MIGA2: variants seen among roughly 807,000 people sequenced by gnomAD.
The protein encoded by MIGA2 is family with sequence similarity 73, member B.
In MIGA2, 36 loss-of-function variants were observed where a neutral mutation model predicts 69.9. The ratio of observed to expected loss-of-function variants is 0.52; its 90% confidence interval spans 0.39 to 0.68. MIGA2 has a LOEUF of 0.68. MIGA2 is among the 30% of genes least tolerant of loss of function. MIGA2 has a pLI of 0.00. For missense variants in MIGA2, 660 were observed against 787.7 expected, an observed-to-expected ratio of 0.84 and a Z score of 1.94; for synonymous variants, 333 against 349.2, an observed-to-expected ratio of 0.95 and a Z score of 0.52.
In MIGA2 at chr9:129,068,656, GA is replaced by G. The variant is rs961236099; in HGVS notation, c.1404+331del. 1.0e-4 allele frequency: 43 copies of G among 413,058 alleles called. No individual in the cohort carries two copies. The highest frequency in any genetic ancestry group is 3.6e-4 in the Middle Eastern group (1 of 2,746). 25.6% of individuals were successfully genotyped at this position (413,058 alleles called of 1,614,324 possible). A position where few individuals can be genotyped will look rare whatever the true frequency, so the allele number is the denominator to read the frequency against. ...AAAGAGGGGAAAGCAAAACCAAAAGGAAAAAAAGGCACAGAGTGAGAGACAA... is the reference window on the plus strand; with the variant it reads ...AAAGAGGGGAAAGCAAAACCAAAAGGAAAAAAGGCACAGAGTGAGAGACAA... On this transcript the variant is annotated intron_variant, in intron 13 of 15. Transcript: ENST00000684074. The surrounding 1 kb of genome is among the most constrained non-coding windows in gnomAD (Gnocchi z 4.1).
chr9:129,061,490 G>A lies in MIGA2; in HGVS notation c.1010+144G>A, dbSNP rs1052054381. 10 of 685,052 alleles carry A rather than the reference G, an allele frequency of 1.5e-5. No homozygotes were observed. Among genetic ancestry groups the A allele is most frequent in the African/African-American group, 1.8e-5 (1 of 56,194 alleles). The allele number at this position is 685,052 out of a possible 1,614,324, so 42.4% of individuals were successfully genotyped here. A position where few individuals can be genotyped will look rare whatever the true frequency, so the allele number is the denominator to read the frequency against. ...TGCCTGAGGGCCGTGGTGAGCTGGT[G>A]ACAGCTCCTCCCCCAGCTGCAGAGG... On this transcript the variant is annotated intron_variant, in intron 9 of 15. Coordinates refer to ENST00000684074, the MANE Select transcript of MIGA2 (RefSeq NM_001329990.2). The surrounding 1 kb of genome is among the most constrained non-coding windows in gnomAD (Gnocchi z 5.0).
At chr9:129,047,720 A>C in intron 3 of MIGA2, among the ~76,000 whole-genome samples, 1 of 151,050 alleles carries the variant, frequency 6.6e-6, no homozygotes, top group South Asian at 2.1e-4. Context: ...TCCTAAAAAA[A>C]TTTATATATA....
intron 3 of MIGA2, among the ~76,000 whole-genome samples, chr9:129,042,773 C>T (rs1427063603): frequency 6.6e-6 from 1 of 152,058 alleles, no homozygotes. Flanking sequence ...TTTGGGAGCA[C>T]CTTGGTCAGA....
At position 129,059,093 on chromosome 9, in the gene MIGA2, A is replaced by G; in HGVS notation, c.676-61A>G. Reference sequence around the variant, plus strand: ...TCCCCAGGGACCTGGGGGTGAGGGAAGGGGCCATTTTCATCGGGAGCTTTG... The same window carrying G: ...TCCCCAGGGACCTGGGGGTGAGGGAGGGGGCCATTTTCATCGGGAGCTTTG... On this transcript the variant is annotated intron_variant, in intron 6 of 15. Coordinates refer to ENST00000684074, the MANE Select transcript of MIGA2 (RefSeq NM_001329990.2). The surrounding 1 kb of genome is among the most constrained non-coding windows in gnomAD (Gnocchi z 5.6). The G allele has an allele frequency of 2.0e-6, 3 of 1,466,144 alleles. No individual in the cohort carries two copies. Among genetic ancestry groups the G allele is most frequent in the South Asian group, 1.1e-5 (1 of 87,436 alleles). 90.8% of individuals were successfully genotyped at this position (1,466,144 alleles called of 1,614,324 possible).
intron 11 of MIGA2, 145 bp from the exon 12 acceptor site, chr9:129,067,627 AG>A: frequency 1.5e-6 from 1 of 685,134 alleles, no homozygotes; most frequent in Non-Finnish European, 2.5e-6. Flanking sequence ...TGTGCTGAGT[AG>A]GAGACACTTC....
chr9:129,064,459 G>T (rs918184504), intron 11 of MIGA2, among the ~76,000 whole-genome samples: 1 of 151,204 alleles, frequency 6.6e-6, no homozygotes, highest in African/African-American at 2.4e-5. Flanking sequence ...CGCCCGCCTC[G>T]GCCTCCCAAA....
At chr9:129,056,129 GAAAAAAAA>G (rs76491749) in intron 6 of MIGA2, among the ~76,000 whole-genome samples, 2 of 77,364 alleles carry the variant, frequency 2.6e-5, no homozygotes, top group African/African-American at 7.3e-5. Context: ...CCTGTCTCAA[GAAAAAAAA>G]AAAAAAAAAA....
chr9:129,053,525 G>C (rs375311984), intron 6 of MIGA2, among the ~76,000 whole-genome samples: 1 of 151,884 alleles, frequency 6.6e-6, no homozygotes, highest in Non-Finnish European at 1.5e-5. Flanking sequence ...CACCACGCCC[G>C]GCTAATTTTT....
At position 129,058,733 on chromosome 9, in the gene MIGA2, T is replaced by G. The variant is rs111405551; in HGVS notation, c.676-421T>G. Among the ~76,000 whole-genome samples the G allele has an allele frequency of 4.3e-3, 658 of 152,168 alleles. 10 individuals carry two copies. Among genetic ancestry groups the G allele is most frequent in the African/African-American group, 0.015 (606 of 41,530 alleles). On this transcript the variant is annotated intron_variant, in intron 6 of 15. Coordinates refer to ENST00000684074, the MANE Select transcript of MIGA2 (RefSeq NM_001329990.2). ...CAGGCTGGTCTCGAACTCCTGACCTTGTGATCTGCCCACCTCGGCCACCCA... is the reference window on the plus strand; with the variant it reads ...CAGGCTGGTCTCGAACTCCTGACCTGGTGATCTGCCCACCTCGGCCACCCA...
At chr9:129,050,447 G>T (rs943391452) in intron 6 of MIGA2, among the ~76,000 whole-genome samples, 3 of 151,216 alleles carry the variant, frequency 2.0e-5, no homozygotes, top group African/African-American at 7.3e-5. Context: ...GGTAATTTTT[G>T]TATTTTTAGT....
Position 129,041,184 on chromosome 9 carries a change from A to G in MIGA2, c.96+494A>G, listed in dbSNP as rs140996588. On this transcript the variant is annotated intron_variant, in intron 2 of 15. Coordinates refer to ENST00000684074, the MANE Select transcript of MIGA2 (RefSeq NM_001329990.2). ...ACGCTATCTCTACCAAAAGTACAAAAATTAGCCAAGCATGGTGGTGTGCAC... is the reference window on the plus strand; with the variant it reads ...ACGCTATCTCTACCAAAAGTACAAAGATTAGCCAAGCATGGTGGTGTGCAC... 6.6e-3 allele frequency among the ~76,000 whole-genome samples: 1,001 copies of G among 152,288 alleles called. 7 individuals carry two copies. Among genetic ancestry groups the G allele is most frequent in the African/African-American group, 0.023 (943 of 41,564 alleles).
At chr9:129,063,415 G>T (rs981109603) in intron 10 of MIGA2, 99 bp downstream of exon 10, 1 of 1,556,850 alleles carries the variant, frequency 6.4e-7, no homozygotes. Context: ...TCCCTGGCCA[G>T]GCCTGCTCCC....
At position 129,057,107 on chromosome 9, in the gene MIGA2, A is replaced by G. The variant is rs147063158; in HGVS notation, c.676-2047A>G. Among the ~76,000 whole-genome samples the G allele has an allele frequency of 2.0e-5, 3 of 152,214 alleles. No individual in the cohort carries two copies. The East Asian group carries it at 5.8e-4, about 30-fold the overall frequency. ...TTGCAAAAAACAGTAGAGTTAGTCTATACCTTCCTGCCTTAAATCTAGTGC... is the reference window on the plus strand; with the variant it reads ...TTGCAAAAAACAGTAGAGTTAGTCTGTACCTTCCTGCCTTAAATCTAGTGC... On this transcript the variant is annotated intron_variant, in intron 6 of 15. Transcript: ENST00000684074.
intron 4 of MIGA2, 103 bp from the exon 5 acceptor site, chr9:129,049,278 G>A (rs565295144): frequency 9.3e-7 from 1 of 1,070,838 alleles, no homozygotes; most frequent in East Asian, 2.6e-5. Flanking sequence ...GCATTTGGAG[G>A]GGGCGTGTGG....
intron 5 of MIGA2, 51 bp downstream of exon 5, chr9:129,049,549 A>G: frequency 6.4e-7 from 1 of 1,566,358 alleles, no homozygotes; most frequent in Non-Finnish European, 8.8e-7. Context: ...TGGCAGGAAC[A>G]GTCCCTTCCT....
chr9:129,066,487 G>A (rs138704250), intron 11 of MIGA2, among the ~76,000 whole-genome samples: 3,055 of 146,626 alleles, frequency 0.021, 37 homozygotes, highest in South Asian at 0.053. Flanking sequence ...ATCCTGGCTA[G>A]CACAGTGAAA....
chr9:129,042,073 C>T (rs571301623), intron 2 of MIGA2: 5 of 566,706 alleles, frequency 8.8e-6, no homozygotes, highest in Non-Finnish European at 1.6e-5. Flanking sequence ...GGCCCCTAGA[C>T]CTCACCTTCT....
rs368089427 is a variant in MIGA2 at position 129,070,354 on chromosome 9, C to T, written c.1683C>T (p.Ser561=). Residue 561 remains serine (S), a synonymous_variant, in exon 16 of 16, where the codon AGC becomes AGT. Coordinates refer to ENST00000684074, the MANE Select transcript of MIGA2 (RefSeq NM_001329990.2). ...DDILQLSRRR[S]EILLGYLGVP... is the part of the protein sequence containing the mutation. ...TCCTGCAGCTGTCCCGGCGCCGCAGCGAGATATTGCTGGGGTACCTGGGGG... is the reference window on the plus strand; with the variant it reads ...TCCTGCAGCTGTCCCGGCGCCGCAGTGAGATATTGCTGGGGTACCTGGGGG... 1.4e-5 allele frequency: 23 copies of T among 1,612,868 alleles called. 1 individual carries two copies. The highest frequency in any genetic ancestry group is 6.7e-5 in the African/African-American group (5 of 74,948).
intron 10 of MIGA2, 111 bp downstream of exon 10, chr9:129,063,427 C>T: frequency 6.5e-7 from 1 of 1,543,014 alleles, no homozygotes; most frequent in Non-Finnish European, 8.8e-7. Context: ...CCTGCTCCCA[C>T]ACTGGGCTCC....
Sources: gnomAD v4.1 joint callset for allele counts (sites outside exome capture counted in the v4.1 genomes callset) on GRCh38, gnomAD v4.1.1 for gene constraint, Gnocchi (gnomAD v3.1) non-coding constraint, MANE v1.5 for transcripts, NCBI Gene and HGNC (gene_info 2026-07-23, HGNC 2026-07-21) for gene names.